The following PCDH9 variants were observed in gnomAD, a reference collection of about 807,000 sequenced individuals.
PCDH9 encodes protocadherin 9.
A neutral mutation model predicts 70.6 loss-of-function variants in PCDH9; 24 were observed. The observed-to-expected ratio is 0.34, with a 90% confidence interval of 0.25 to 0.48. The LOEUF (loss-of-function observed/expected upper bound fraction) is 0.48, where lower values mean the gene tolerates loss of function less well. Ranked by LOEUF, PCDH9 falls within the 20% of genes least tolerant of loss-of-function variation. The pLI, the probability that PCDH9 is intolerant of heterozygous loss-of-function variation, is 0.99. For synonymous variants in PCDH9, 562 were observed against 558.5 expected, an observed-to-expected ratio of 1.01 and a Z score of -0.09; for missense variants, 1,281 against 1,503.6, an observed-to-expected ratio of 0.85 and a Z score of 2.45.
intron 4 of PCDH9, among the ~76,000 whole-genome samples, chr13:66,626,054 T>C (rs1303643991): frequency 2.0e-5 from 3 of 152,124 alleles, no homozygotes; most frequent in Non-Finnish European, 4.4e-5. Context: ...GTTGTACAGC[T>C]ATCATGAGAT....
At position 66,303,876 on chromosome 13, in the gene PCDH9, A is replaced by C. The variant is rs1159113023; in HGVS notation, c.*779T>G. On this transcript the variant is annotated 3_prime_UTR_variant, in exon 5 of 5. Coordinates refer to ENST00000377865, the MANE Select transcript of PCDH9 (RefSeq NM_203487.3). ...ATTGTTTACAGAATTCCGGCATCAT[A>C]AGCTATCATATGAGAAGCAAGATTT... The C allele has an allele frequency of 2.0e-5, 3 of 152,124 alleles. No homozygotes were observed. The highest frequency in any genetic ancestry group is 7.2e-5 in the African/African-American group (3 of 41,440). The allele number at this position is 152,124 out of a possible 1,614,324, so 9.4% of individuals were successfully genotyped here. A position where few individuals can be genotyped will look rare whatever the true frequency, so the allele number is the denominator to read the frequency against.
chr13:66,719,221 C>A (rs2078909916), intron 3 of PCDH9, among the ~76,000 whole-genome samples: 1 of 151,914 alleles, frequency 6.6e-6, no homozygotes, highest in African/African-American at 2.4e-5. Flanking sequence ...TTAGACAGGT[C>A]ATTAATATTC....
intron 2 of PCDH9, among the ~76,000 whole-genome samples, chr13:66,957,917 T>C (rs2083288659): frequency 6.6e-6 from 1 of 152,214 alleles, no homozygotes; most frequent in Non-Finnish European, 1.5e-5. Context: ...AAGGGAGTTA[T>C]TAGTAAAATT....
chr13:67,074,554 T>C (rs1235667268), intron 2 of PCDH9, among the ~76,000 whole-genome samples: 2 of 152,168 alleles, frequency 1.3e-5, no homozygotes, highest in Admixed American at 6.6e-5. Context: ...CAATACAAAA[T>C]AGTTTTGTCT....
chr13:67,079,855 T>C (rs1420897138), intron 2 of PCDH9, among the ~76,000 whole-genome samples: 1 of 152,154 alleles, frequency 6.6e-6, no homozygotes, highest in South Asian at 2.1e-4. Context: ...AACCCCCTTA[T>C]CTTAACTCAA....
chr13:67,082,629 G>A (rs1042778665), intron 2 of PCDH9, among the ~76,000 whole-genome samples: 2 of 151,900 alleles, frequency 1.3e-5, no homozygotes, highest in Non-Finnish European at 2.9e-5. Context: ...CTGAATTGTG[G>A]TTTAATTTTT....
chr13:66,671,085 A>G lies in PCDH9; in HGVS notation c.3139-39674T>C, dbSNP rs191196447. ...GTTCTCATGATAGTGAATAAGTCTC[A>G]AGAGATTTGATGGTTTTATAAAGGG... On this transcript the variant is annotated intron_variant, in intron 3 of 4. Coordinates refer to ENST00000377865, the MANE Select transcript of PCDH9 (RefSeq NM_203487.3). Among the ~76,000 whole-genome samples, 280 of 152,130 alleles carry G rather than the reference A, an allele frequency of 1.8e-3. 1 individual carries two copies. Among genetic ancestry groups the G allele is most frequent in the Non-Finnish European group, 2.6e-3 (177 of 67,982 alleles).
chr13:66,793,110 C>T (rs191335111), intron 3 of PCDH9, among the ~76,000 whole-genome samples: 1 of 148,544 alleles, frequency 6.7e-6, no homozygotes, highest in African/African-American at 2.5e-5. Flanking sequence ...GTAATATATG[C>T]TTATATATAT....
intron 3 of PCDH9, among the ~76,000 whole-genome samples, chr13:66,873,275 A>C (rs1233433604): frequency 6.6e-6 from 1 of 152,206 alleles, no homozygotes. Context: ...AACATTTAAA[A>C]TAAAAATTAA....
chr13:66,744,801 G>GACTTTCATAAATCTGACATCTCA (rs2079333056), intron 3 of PCDH9, among the ~76,000 whole-genome samples: 1 of 152,196 alleles, frequency 6.6e-6, no homozygotes, highest in East Asian at 1.9e-4. Context: ...CTGACATATT[G>GACTTTCATAAATCTGACATCTCA]ACTTTCATAA....
Position 66,305,002 on chromosome 13 carries a change from C to T in PCDH9, c.3367G>A (p.Ala1123Thr). 1 of 1,611,604 alleles carries T rather than the reference C, an allele frequency of 6.2e-7. No homozygotes were observed. The highest frequency in any genetic ancestry group is 1.1e-5 in the South Asian group (1 of 90,976). ...SDGPLGPRGL[A>T]EATEMCTQEC... ...TGAGTGCACATCTCTGTAGCTTCAGCTAATCCTCGGGGACCCAAAGGCCCA... is the reference window on the plus strand; with the variant it reads ...TGAGTGCACATCTCTGTAGCTTCAGTTAATCCTCGGGGACCCAAAGGCCCA... Residue 1123 changes from alanine to threonine, a missense_variant, in exon 5 of 5, where the codon GCT becomes ACT. Ala to Thr is a moderately conservative substitution (Grantham distance 58). This residue lies in a region of PCDH9 where 264 missense variants were observed against 278.8 expected (regional missense o/e 0.95). Coordinates refer to ENST00000377865, the MANE Select transcript of PCDH9 (RefSeq NM_203487.3).
chr13:66,580,210 C>G (rs1333847594), intron 4 of PCDH9, among the ~76,000 whole-genome samples: 1 of 151,966 alleles, frequency 6.6e-6, no homozygotes, highest in African/African-American at 2.4e-5. Context: ...ACCAAATATT[C>G]TCTTATAATT....
chr13:66,711,317 CTA>C (rs1467213781), intron 3 of PCDH9, among the ~76,000 whole-genome samples: 4 of 150,908 alleles, frequency 2.7e-5, no homozygotes, highest in Non-Finnish European at 1.5e-5. Flanking sequence ...GAATTCAGAT[CTA>C]TGTTTGGTTC....
At chr13:66,639,460 T>C (rs1205084508) in intron 3 of PCDH9, among the ~76,000 whole-genome samples, 2 of 152,206 alleles carry the variant, frequency 1.3e-5, no homozygotes, top group East Asian at 3.8e-4. Flanking sequence ...TGTCATAAGG[T>C]GATAAGTAGT....
intron 4 of PCDH9, among the ~76,000 whole-genome samples, chr13:66,485,558 C>A (rs963397262): frequency 2.0e-5 from 3 of 151,756 alleles, no homozygotes; most frequent in Admixed American, 2.0e-4. Flanking sequence ...ATAAGAAAGG[C>A]ACCAGAAATG....
chr13:66,501,404 A>T (rs1439055976), intron 4 of PCDH9, among the ~76,000 whole-genome samples: 2 of 152,144 alleles, frequency 1.3e-5, no homozygotes, highest in African/African-American at 4.8e-5. Flanking sequence ...AATGTCAAAT[A>T]TTCTCCTGTG....
intron 4 of PCDH9, among the ~76,000 whole-genome samples, chr13:66,542,065 C>G (rs1960980110): frequency 6.6e-6 from 1 of 152,136 alleles, no homozygotes; most frequent in African/African-American, 2.4e-5. Context: ...CTTGGGAGAT[C>G]TGTGTAAAAC....
At chr13:67,094,300 A>C (rs956375864) in intron 2 of PCDH9, among the ~76,000 whole-genome samples, 1 of 152,172 alleles carries the variant, frequency 6.6e-6, no homozygotes. Flanking sequence ...CCGTAACTTA[A>C]AAGAATTTCC....
intron 4 of PCDH9, among the ~76,000 whole-genome samples, chr13:66,467,249 C>T (rs1377777494): frequency 6.6e-6 from 1 of 151,988 alleles, no homozygotes; most frequent in Non-Finnish European, 1.5e-5. Context: ...ACAATTGAAA[C>T]AGCCTGAAAG....
Sources: allele counts gnomAD v4.1 joint callset (sites outside exome capture counted in the v4.1 genomes callset), GRCh38; gene constraint gnomAD v4.1.1; regional missense constraint gnomAD v4.1.1; transcripts MANE v1.5; gene names NCBI Gene and HGNC (gene_info 2026-07-23, HGNC 2026-07-21).